The following PIWIL4 variants were observed in gnomAD, a reference collection of about 807,000 sequenced individuals.
PIWIL4 encodes piwi like RNA-mediated gene silencing 4.
A neutral mutation model predicts 100.9 loss-of-function variants in PIWIL4; 50 were observed. The observed-to-expected ratio is 0.50, with a 90% CI of 0.39 to 0.63. The LOEUF (loss-of-function observed/expected upper bound fraction) is 0.63. Ranked by LOEUF, PIWIL4 falls within the 20% of genes least tolerant of loss-of-function variation. PIWIL4 has a pLI of 0.00. For synonymous variants in PIWIL4, 342 were observed against 367.5 expected, an observed-to-expected ratio of 0.93 and a Z score of 0.79; for missense variants, 887 against 1,043.3, an observed-to-expected ratio of 0.85 and a Z score of 2.06.
chr11:94,603,273 T>G (rs573811940), intron 12 of PIWIL4, among the ~76,000 whole-genome samples: 1 of 152,284 alleles, frequency 6.6e-6, no homozygotes, highest in East Asian at 1.9e-4. Flanking sequence ...TGTCACCTGC[T>G]GGGCGAGTTT....
At chr11:94,613,411 G>C (rs1287539953) in intron 15 of PIWIL4, among the ~76,000 whole-genome samples, 1 of 152,160 alleles carries the variant, frequency 6.6e-6, no homozygotes, top group Non-Finnish European at 1.5e-5. Context: ...TTGACAGTTT[G>C]ATTGTAATAT....
intron 5 of PIWIL4, among the ~76,000 whole-genome samples, chr11:94,584,933 G>A (rs552843968): frequency 1.3e-5 from 2 of 152,296 alleles, no homozygotes; most frequent in Admixed American, 6.5e-5. Flanking sequence ...GCGTGGTGGC[G>A]CTCTTGCCTG....
intron 7 of PIWIL4, among the ~76,000 whole-genome samples, chr11:94,588,856 T>G (rs1297167803): frequency 6.6e-6 from 1 of 152,214 alleles, no homozygotes; most frequent in Non-Finnish European, 1.5e-5. Flanking sequence ...TATCTATCAG[T>G]GAGAAAACTA....
At chr11:94,617,779 G>A in intron 16 of PIWIL4, 175 bp from the exon 17 acceptor site, 2 of 583,644 alleles carry the variant, frequency 3.4e-6, no homozygotes, top group Admixed American at 3.0e-5. Flanking sequence ...ACAGAGGAAT[G>A]CTCCCTAAAG....
chr11:94,572,815 A>G (rs181825151), intron 2 of PIWIL4, among the ~76,000 whole-genome samples: 8 of 152,308 alleles, frequency 5.3e-5, no homozygotes, highest in African/African-American at 1.9e-4. Flanking sequence ...GTTTTTTCCA[A>G]TTCTGTGAAG....
chr11:94,607,303 G>A (rs1203283549), intron 13 of PIWIL4, 136 bp from the exon 14 acceptor site: 1 of 710,754 alleles, frequency 1.4e-6, no homozygotes, highest in Admixed American at 2.5e-5. Flanking sequence ...AGAACTGTAG[G>A]CATGTTAGTG....
intron 13 of PIWIL4, among the ~76,000 whole-genome samples, chr11:94,606,567 C>T (rs142880346): frequency 2.0e-5 from 3 of 152,232 alleles, no homozygotes; most frequent in Non-Finnish European, 2.9e-5. Context: ...CGGTGGCTCA[C>T]GCCTGTAATC....
intron 4 of PIWIL4, among the ~76,000 whole-genome samples, chr11:94,577,752 G>A (rs114131890): frequency 0.01 from 1,524 of 152,220 alleles, 16 homozygotes; most frequent in African/African-American, 0.035. Flanking sequence ...CCACATCAGT[G>A]CAGTCTTTTT....
chr11:94,583,093 TCTAA>T (rs1471292230), intron 4 of PIWIL4, among the ~76,000 whole-genome samples: 2 of 151,622 alleles, frequency 1.3e-5, no homozygotes, highest in South Asian at 2.1e-4. Context: ...TTGAGAAATA[TCTAA>T]CTTTTATCAG....
chr11:94,580,371 A>C (rs995219208), intron 4 of PIWIL4, among the ~76,000 whole-genome samples: 1 of 152,142 alleles, frequency 6.6e-6, no homozygotes, highest in African/African-American at 2.4e-5. Context: ...ATGCTTATTT[A>C]AGTTGAAACA....
chr11:94,595,664 A>T (rs1315821951), intron 10 of PIWIL4, among the ~76,000 whole-genome samples: 1 of 152,248 alleles, frequency 6.6e-6, no homozygotes, highest in Non-Finnish European at 1.5e-5. Flanking sequence ...CCCTGCTTTC[A>T]TCTATTTCAT....
At chr11:94,577,797 A>G (rs754110385) in intron 4 of PIWIL4, among the ~76,000 whole-genome samples, 248 of 152,302 alleles carry the variant, frequency 1.6e-3, no homozygotes, top group Non-Finnish European at 3.0e-3. Context: ...GGTGCCCTTT[A>G]CATTGTTTTA....
intron 2 of PIWIL4, among the ~76,000 whole-genome samples, chr11:94,572,775 CT>C (rs1162589312): frequency 6.6e-6 from 1 of 152,164 alleles, no homozygotes; most frequent in Non-Finnish European, 1.5e-5. Flanking sequence ...AATGTGCGTT[CT>C]TTTTTGGTTC....
intron 15 of PIWIL4, among the ~76,000 whole-genome samples, chr11:94,613,047 T>C (rs1948804607): frequency 6.6e-6 from 1 of 152,236 alleles, no homozygotes; most frequent in Non-Finnish European, 1.5e-5. Context: ...TATACTTACC[T>C]ATATTAGTGA....
At chr11:94,581,827 T>C (rs12281333) in intron 4 of PIWIL4, among the ~76,000 whole-genome samples, 2,174 of 152,268 alleles carry the variant, frequency 0.014, 42 homozygotes, top group African/African-American at 0.041. Context: ...AGACTCAGTA[T>C]CAGAAAGGTG....
chr11:94,589,918 T>C (rs560690847), intron 8 of PIWIL4, among the ~76,000 whole-genome samples: 2 of 152,280 alleles, frequency 1.3e-5, no homozygotes, highest in Admixed American at 6.5e-5. Flanking sequence ...TTGCGCATAT[T>C]AGATACTCAA....
At chr11:94,585,600 A>T (rs1359546032) in intron 6 of PIWIL4, 75 bp downstream of exon 6, 1 of 1,121,342 alleles carries the variant, frequency 8.9e-7, no homozygotes, top group Admixed American at 2.1e-5. Flanking sequence ...GCAATATTAT[A>T]CCATTATGCC....
At chr11:94,609,897 C>T (rs758187010) in intron 15 of PIWIL4, among the ~76,000 whole-genome samples, 4 of 151,864 alleles carry the variant, frequency 2.6e-5, no homozygotes, top group African/African-American at 7.3e-5. Context: ...GGTGAGACTA[C>T]TTAAGATCTA....
Position 94,585,405 on chromosome 11 carries a change from G to A in PIWIL4, c.636-40G>A, listed in dbSNP as rs112579162. On this transcript the variant is annotated intron_variant, in intron 5 of 19. Transcript: ENST00000299001. ...TTGAACTTAGAATTACACTGTTACT[G>A]ACTGATATTTACCAAAAATTCAAAA... The A allele has an allele frequency of 4.0e-5, 56 of 1,409,590 alleles. No homozygotes were observed. In the African/African-American group the frequency reaches 4.3e-4, roughly 11 times the overall value. 87.3% of individuals were successfully genotyped at this position (1,409,590 alleles called of 1,614,324 possible).
Sources: gnomAD v4.1 joint callset for allele counts (sites outside exome capture counted in the v4.1 genomes callset) on GRCh38, gnomAD v4.1.1 for gene constraint, MANE v1.5 for transcripts, NCBI Gene and HGNC (gene_info 2026-07-23, HGNC 2026-07-21) for gene names.